TSN: variants seen among roughly 807,000 people sequenced by gnomAD.
TSN encodes component 3 of promoter of RISC.
TSN carries 5 observed loss-of-function variants against 29.4 expected under a neutral mutation model. That is an observed-to-expected ratio of 0.17 (90% CI 0.09 to 0.36). The LOEUF is 0.36. Ranked by LOEUF, TSN falls within the 10% of genes least tolerant of loss-of-function variation. The pLI is 1.00. For synonymous variants in TSN, 106 were observed against 102.2 expected, an observed-to-expected ratio of 1.04 and a Z score of -0.23; for missense variants, 159 against 272.8, an observed-to-expected ratio of 0.58 and a Z score of 2.94.
chr2:121,756,547 T>C (rs1202854851), intron 1 of TSN: 17 of 911,936 alleles, frequency 1.9e-5, no homozygotes, highest in Non-Finnish European at 2.6e-5. Context: ...GAAGGGATTG[T>C]GTGCTTGGTT....
intron 3 of TSN, among the ~76,000 whole-genome samples, chr2:121,759,708 A>T (rs1372121035): frequency 6.6e-6 from 1 of 152,126 alleles, no homozygotes; most frequent in Non-Finnish European, 1.5e-5. Context: ...GTTTCTACTT[A>T]TTTTAATTTT....
chr2:121,760,871 CT>C (rs187719044), intron 3 of TSN, among the ~76,000 whole-genome samples: 156 of 132,828 alleles, frequency 1.2e-3, no homozygotes, highest in South Asian at 1.9e-3. Flanking sequence ...TTTTTTCTGT[CT>C]TTTTTTTTTT....
rs181867422 is a variant in TSN, at chr2:121,761,781, C to T, written c.373+257C>T. On this transcript the variant is annotated intron_variant, in intron 4 of 5. Coordinates refer to ENST00000389682, the MANE Select transcript of TSN (RefSeq NM_004622.3). Reference sequence around the variant, plus strand: ...TTCTCCCACATACTTTAAATCATCTCTAGATTTCTTAAAATATCTAATACA... The same window carrying T: ...TTCTCCCACATACTTTAAATCATCTTTAGATTTCTTAAAATATCTAATACA... 5.3e-4 allele frequency among the ~76,000 whole-genome samples: 80 copies of T among 152,116 alleles called. No homozygotes were observed. The East Asian group carries it at 0.013, about 25-fold the overall frequency.
intron 1 of TSN, among the ~76,000 whole-genome samples, chr2:121,756,970 C>T (rs901991127): frequency 2.0e-5 from 3 of 151,746 alleles, no homozygotes; most frequent in Admixed American, 1.3e-4. Context: ...GCATTTAACT[C>T]TTCATTTTGC....
chr2:121,756,291 T>C (rs1041971836), intron 1 of TSN: 6 of 249,622 alleles, frequency 2.4e-5, no homozygotes, highest in Admixed American at 5.2e-5. Flanking sequence ...GCTCTCTGTC[T>C]TTGTGTATGA....
At chr2:121,756,922 A>G (rs532401183) in intron 1 of TSN, among the ~76,000 whole-genome samples, 30 of 152,132 alleles carry the variant, frequency 2.0e-4, no homozygotes, top group African/African-American at 7.2e-4. Flanking sequence ...AAAAAAAAAA[A>G]AAAGAAAAAA....
chr2:121,760,909 C>T (rs903869266), intron 3 of TSN, among the ~76,000 whole-genome samples: 4 of 136,542 alleles, frequency 2.9e-5, no homozygotes, highest in Admixed American at 8.0e-5. Flanking sequence ...GTCGCTCTGT[C>T]GTTCAGGGTG....
chr2:121,755,973 G>C (rs2074740256), intron 1 of TSN, 128 bp downstream of exon 1: 5 of 1,517,502 alleles, frequency 3.3e-6, no homozygotes, highest in South Asian at 1.2e-5. Flanking sequence ...TTCCCCTCTA[G>C]CTTTAGGTTA....
chr2:121,758,623 A>G (rs752571107), intron 2 of TSN, 87 bp from the exon 3 acceptor site: 4 of 1,022,550 alleles, frequency 3.9e-6, no homozygotes, highest in Non-Finnish European at 5.5e-6. Flanking sequence ...TTGTTGATTA[A>G]TTTCCAGATA....
chr2:121,757,395 GA>G (rs1238660139), intron 2 of TSN, 62 bp downstream of exon 2: 1 of 1,608,454 alleles, frequency 6.2e-7, no homozygotes, highest in Non-Finnish European at 8.5e-7. Context: ...TTTCTATCCA[GA>G]AGACATTTTA....
Position 121,758,696 on chromosome 2 carries a change from T to C in TSN, c.161-14T>C. 1.3e-6 allele frequency: 2 copies of C among 1,542,892 alleles called. No individual in the cohort carries two copies. The highest frequency in any genetic ancestry group is 1.7e-6 in the Non-Finnish European group (2 of 1,146,916). ...TTTGGTTAAGTTTTTCATTTGGTTA[T>C]CTTTTGTGACTAGTTCCAAAGAGGT... On this transcript the variant is annotated splice_polypyrimidine_tract_variant and intron_variant, in intron 2 of 5. Coordinates refer to ENST00000389682, the MANE Select transcript of TSN (RefSeq NM_004622.3).
rs759129437 is a variant in TSN, at chr2:121,755,751, C to T, written c.-29C>T. 6.2e-6 allele frequency: 10 copies of T among 1,612,652 alleles called. No homozygotes were observed. The highest frequency in any genetic ancestry group is 8.5e-6 in the Non-Finnish European group (10 of 1,179,988). ...TCCACTTCCTTGGCCGCCCTTGCTA[C>T]ACTGGCTGATTGTTGTGCAGCCGGC... On this transcript the variant is annotated 5_prime_UTR_variant, in exon 1 of 6. Coordinates refer to ENST00000389682, the MANE Select transcript of TSN (RefSeq NM_004622.3).
chr2:121,767,044 A>G lies in TSN; in HGVS notation c.*1677A>G, dbSNP rs188041379. On this transcript the variant is annotated 3_prime_UTR_variant, in exon 6 of 6. Transcript: ENST00000389682. The stretch of plus-strand genomic sequence containing the variant: ...GCATGAAAGGCTTTTAAATTAGATC[A>G]TCCCACAGACAATACGTTTGATAAT... 1 of 152,376 alleles carries G rather than the reference A, an allele frequency of 6.6e-6. No individual in the cohort carries two copies. The highest frequency in any genetic ancestry group is 1.9e-4 in the East Asian group (1 of 5,190). 9.4% of individuals were successfully genotyped at this position (152,376 alleles called of 1,614,324 possible).
chr2:121,756,132 C>T (rs1185626833), intron 1 of TSN: 1 of 519,484 alleles, frequency 1.9e-6, no homozygotes, highest in Non-Finnish European at 3.4e-6. Context: ...AGCACCTGGT[C>T]TTCAGCGAAT....
chr2:121,756,987 C>G (rs530096143), intron 1 of TSN, among the ~76,000 whole-genome samples: 2 of 151,932 alleles, frequency 1.3e-5, no homozygotes, highest in East Asian at 3.9e-4. Flanking sequence ...TTGCAAGTTG[C>G]GTTCACACAC....
rs563412521 is a variant in TSN at position 121,766,140 on chromosome 2, C to A, written c.*773C>A. The stretch of plus-strand genomic sequence containing the variant: ...TCTTCATGTACATTTGGAACTAACA[C>A]GTGATGTGATATATTCCTAAACTAT... On this transcript the variant is annotated 3_prime_UTR_variant, in exon 6 of 6. Coordinates refer to ENST00000389682, the MANE Select transcript of TSN (RefSeq NM_004622.3). 3.3e-5 allele frequency: 5 copies of A among 152,216 alleles called. No homozygotes were observed. Among genetic ancestry groups the A allele is most frequent in the Non-Finnish European group, 7.3e-5 (5 of 68,042 alleles). 9.4% of individuals were successfully genotyped at this position (152,216 alleles called of 1,614,324 possible).
chr2:121,765,196 C>T lies in TSN; in HGVS notation c.516C>T (p.Thr172=), dbSNP rs200385398. The T allele has an allele frequency of 9.2e-5, 148 of 1,614,234 alleles. No homozygotes were observed. Among genetic ancestry groups the T allele is most frequent in the Non-Finnish European group, 1.2e-4 (147 of 1,180,046 alleles). The change falls in exon 6 of 6, where the codon ACC becomes ACT. Residue 172 remains threonine (T), a synonymous_variant. Transcript: ENST00000389682. ...GDYSRPLHIS[T]FINELDSGFR... ...ACTCCCGACCCCTCCACATCTCCACCTTCATCAATGAGCTGGATTCCGGTT... is the reference window on the plus strand; with the variant it reads ...ACTCCCGACCCCTCCACATCTCCACTTTCATCAATGAGCTGGATTCCGGTT...
At chr2:121,763,338 G>T (rs1207278723) in intron 5 of TSN, among the ~76,000 whole-genome samples, 4 of 151,912 alleles carry the variant, frequency 2.6e-5, no homozygotes, top group South Asian at 2.1e-4. Context: ...GTAGAGACGG[G>T]GTTTCACCGT....
chr2:121,764,557 T>C (rs1423563869), intron 5 of TSN, among the ~76,000 whole-genome samples: 1 of 152,160 alleles, frequency 6.6e-6, no homozygotes, highest in Non-Finnish European at 1.5e-5. Flanking sequence ...TATTTTAATA[T>C]ATTTTTTAAA....
Sources: gnomAD v4.1 joint callset for allele counts (sites outside exome capture counted in the v4.1 genomes callset) on GRCh38, gnomAD v4.1.1 for gene constraint, MANE v1.5 for transcripts, NCBI Gene and HGNC (gene_info 2026-07-23, HGNC 2026-07-21) for gene names.